TRAK1: variants seen among roughly 807,000 people sequenced by gnomAD.
The protein encoded by TRAK1 is trafficking kinesin protein 1.
TRAK1 carries 33 observed loss-of-function variants against 92.1 expected under a neutral mutation model. That is an observed-to-expected ratio of 0.36 (90% CI 0.27 to 0.48). The LOEUF is 0.48. Ranked by LOEUF, TRAK1 falls within the 20% of genes least tolerant of loss-of-function variation. TRAK1 has a pLI of 0.99. For missense variants in TRAK1, 1,123 were observed against 1,257.9 expected (o/e 0.89, Z 1.62); for synonymous variants, 521 against 517.3 (o/e 1.01, Z -0.10).
intron 2 of TRAK1, among the ~76,000 whole-genome samples, chr3:42,160,863 A>T (rs999058632): frequency 6.6e-6 from 1 of 152,090 alleles, no homozygotes; most frequent in Admixed American, 6.6e-5. Context: ...TGTTGTTGCT[A>T]ATATCACTAA....
chr3:42,030,542 G>A (rs181195532), intron 1 of TRAK1, among the ~76,000 whole-genome samples: 80 of 149,362 alleles, frequency 5.4e-4, no homozygotes, highest in African/African-American at 1.7e-3. Flanking sequence ...GCATGGTGGC[G>A]TATGCCTGTA....
intron 1 of TRAK1, among the ~76,000 whole-genome samples, chr3:42,069,176 C>G: frequency 6.6e-6 from 1 of 151,982 alleles, no homozygotes; most frequent in East Asian, 1.9e-4. Context: ...TACACACACA[C>G]ACACAATTAG....
chr3:42,051,716 A>T (rs972950812), intron 1 of TRAK1: 1 of 152,204 alleles, frequency 6.6e-6, no homozygotes, highest in African/African-American at 2.4e-5. Context: ...CTCAGAGGAG[A>T]TGGCTAGCCC....
At position 42,149,034 on chromosome 3, in the gene TRAK1, C is replaced by T. The variant is rs546791987; in HGVS notation, c.286+23420C>T. ...TTTCTTTTCCCTGCCTGGCATCTCT[C>T]AGCCTCTGCTGCCAGCATCCTTGGA... On this transcript the variant is annotated intron_variant, in intron 2 of 15. Coordinates refer to ENST00000327628, the MANE Select transcript of TRAK1 (RefSeq NM_001042646.3). Among the ~76,000 whole-genome samples the T allele has an allele frequency of 1.2e-4, 19 of 152,270 alleles. 1 individual carries two copies. The South Asian group carries it at 3.9e-3, about 32-fold the overall frequency.
chr3:42,137,934 A>G (rs541898287), intron 2 of TRAK1, among the ~76,000 whole-genome samples: 1 of 152,278 alleles, frequency 6.6e-6, no homozygotes, highest in African/African-American at 2.4e-5. Context: ...GGTTCTCTGA[A>G]TGTTTCTTTG....
chr3:42,119,664 A>G (rs564896070), intron 1 of TRAK1, among the ~76,000 whole-genome samples: 2 of 152,322 alleles, frequency 1.3e-5, no homozygotes, highest in South Asian at 4.1e-4. Context: ...CACCAGGCCA[A>G]CTCTGCAACT....
chr3:42,214,023 A>AT (rs1709385011), intron 14 of TRAK1, among the ~76,000 whole-genome samples: 1 of 152,234 alleles, frequency 6.6e-6, no homozygotes, highest in Non-Finnish European at 1.5e-5. Flanking sequence ...CAAGTGGAAA[A>AT]ATGAATGAAG....
intron 12 of TRAK1, 54 bp downstream of exon 12, chr3:42,201,108 T>A: frequency 6.4e-7 from 1 of 1,554,720 alleles, no homozygotes; most frequent in Non-Finnish European, 8.9e-7. Flanking sequence ...AGTGGTAGTA[T>A]GGATTGTCTG....
At position 42,223,679 on chromosome 3, in the gene TRAK1, C is replaced by G. The variant is rs566284554; in HGVS notation, c.2804C>G (p.Thr935Ser). 3 of 1,614,004 alleles carry G rather than the reference C, an allele frequency of 1.9e-6. No homozygotes were observed. Among genetic ancestry groups the G allele is most frequent in the Non-Finnish European group, 2.5e-6 (3 of 1,179,904 alleles). Reference sequence around the variant, plus strand: ...AGCATGCAGATGAAAGCTCCTGTGACTCTCACCTCGGGCATCTTGATGGGT... The same window carrying G: ...AGCATGCAGATGAAAGCTCCTGTGAGTCTCACCTCGGGCATCTTGATGGGT... ...GSSMQMKAPV[T>S]LTSGILMGAK... is the part of the protein sequence containing the mutation. The change falls in exon 16 of 16, where the codon ACT becomes AGT. Residue 935 changes from threonine to serine, a missense_variant. By Grantham distance (58) the Thr-to-Ser change is moderately conservative. Transcript: ENST00000327628. The surrounding 1 kb of genome is among the most constrained non-coding windows in gnomAD (Gnocchi z 6.1).
chr3:42,044,413 CG>C (rs1702678337), intron 1 of TRAK1, among the ~76,000 whole-genome samples: 1 of 152,198 alleles, frequency 6.6e-6, no homozygotes, highest in Non-Finnish European at 1.5e-5. Flanking sequence ...CCACTTGCCT[CG>C]GTCTCCCAAA....
rs1385334716 is a variant in TRAK1, at chr3:42,202,751, A to T, written c.1743A>T (p.Glu581Asp). Residue 581 changes from glutamate to aspartate, a missense_variant and splice_region_variant, in exon 13 of 16, where the codon GAA becomes GAT. Around this residue, in one of 3 missense-constraint regions of TRAK1, gnomAD observed 36 missense variants for 71.3 expected, o/e 0.50. Coordinates refer to ENST00000327628, the MANE Select transcript of TRAK1 (RefSeq NM_001042646.3). This position sits in a 1 kb window ranked among gnomAD's most constrained non-coding sequence, Gnocchi z 6.1. ...PEKLQIVKPL[E>D]GSATLHHWQQ... ...AGCTCCAGATCGTGAAGCCGCTGGA[A>T]GGTGATCACGCGGGGCCTCGGCCCC... is the stretch of plus-strand genomic sequence containing the variant. 1 of 1,613,618 alleles carries T rather than the reference A, an allele frequency of 6.2e-7. No individual in the cohort carries two copies. Among genetic ancestry groups the T allele is most frequent in the Non-Finnish European group, 8.5e-7 (1 of 1,179,748 alleles).
At chr3:42,080,948 C>T (rs1289662234) in intron 1 of TRAK1, among the ~76,000 whole-genome samples, 1 of 152,166 alleles carries the variant, frequency 6.6e-6, no homozygotes, top group African/African-American at 2.4e-5. Flanking sequence ...AATCATGGCT[C>T]TCTACAGCCT....
At chr3:42,108,906 C>T (rs532899259) in intron 1 of TRAK1, among the ~76,000 whole-genome samples, 3 of 152,148 alleles carry the variant, frequency 2.0e-5, no homozygotes, top group African/African-American at 7.2e-5. Context: ...AAGAAATTCT[C>T]AAAGTATGCA....
At chr3:42,198,744 T>C (rs537843668) in intron 10 of TRAK1, among the ~76,000 whole-genome samples, 1 of 152,136 alleles carries the variant, frequency 6.6e-6, no homozygotes, top group African/African-American at 2.4e-5. Context: ...GACAATAGCT[T>C]TGTGTGGCTT....
At chr3:42,053,919 A>G (rs1703089146) in intron 1 of TRAK1, among the ~76,000 whole-genome samples, 1 of 152,138 alleles carries the variant, frequency 6.6e-6, no homozygotes. Context: ...AGCTGTGACA[A>G]AAGATACTTG....
chr3:42,105,174 G>A lies in TRAK1; in HGVS notation c.91+13614G>A, dbSNP rs1242620511. Among the ~76,000 whole-genome samples the A allele has an allele frequency of 5.3e-5, 8 of 151,788 alleles. No individual in the cohort carries two copies. The South Asian group carries it at 6.2e-4, about 12-fold the overall frequency. ...TCTCCATGTTGGTCAGGCTGGTCTC[G>A]AACTCCTGACCTCAGGTGATCCACC... On this transcript the variant is annotated intron_variant, in intron 1 of 15. Coordinates refer to ENST00000327628, the MANE Select transcript of TRAK1 (RefSeq NM_001042646.3).
intron 1 of TRAK1, among the ~76,000 whole-genome samples, chr3:42,065,335 A>G (rs1197073718): frequency 6.6e-6 from 1 of 152,176 alleles, no homozygotes; most frequent in African/African-American, 2.4e-5. Flanking sequence ...AGTGTTTTAG[A>G]TTTCAGATTC....
At chr3:42,039,041 C>T (rs368817177) in intron 1 of TRAK1, among the ~76,000 whole-genome samples, 13 of 152,016 alleles carry the variant, frequency 8.6e-5, no homozygotes, top group African/African-American at 2.2e-4. Flanking sequence ...TTTTATCCCA[C>T]GTAAAACATA....
intron 1 of TRAK1, among the ~76,000 whole-genome samples, chr3:42,124,449 A>T (rs570643122): frequency 6.6e-6 from 1 of 152,200 alleles, no homozygotes; most frequent in Non-Finnish European, 1.5e-5. Context: ...TTTGATGAGT[A>T]AGCACTGGGA....
Sources: allele counts gnomAD v4.1 joint callset (sites outside exome capture counted in the v4.1 genomes callset), GRCh38; gene constraint gnomAD v4.1.1; regional missense constraint gnomAD v4.1.1; non-coding constraint Gnocchi (gnomAD v3.1); transcripts MANE v1.5; gene names NCBI Gene and HGNC (gene_info 2026-07-23, HGNC 2026-07-21).